DEPTOR: variants seen among roughly 807,000 people sequenced by gnomAD.
DEPTOR encodes DEP domain-containing mTOR-interacting protein.
In DEPTOR, 41 loss-of-function variants were observed where a neutral mutation model predicts 41.6. The observed-to-expected ratio is 0.98, with a 90% CI of 0.77 to 1.28. DEPTOR has a LOEUF of 1.28. Among genes scored for constraint, DEPTOR ranks in the 50% most tolerant of loss-of-function variants. The pLI is 0.00. For synonymous variants in DEPTOR, 195 were observed against 192.3 expected, an observed-to-expected ratio of 1.01 and a Z score of -0.12; for missense variants, 514 against 527.9, an observed-to-expected ratio of 0.97 and a Z score of 0.26.
At chr8:120,038,030 G>A (rs900120910) in intron 8 of DEPTOR, among the ~76,000 whole-genome samples, 1 of 152,102 alleles carries the variant, frequency 6.6e-6, no homozygotes. Flanking sequence ...ACTTTGGGAG[G>A]CCAAGGCGGG....
At chr8:119,898,492 G>A (rs1827548230) in intron 1 of DEPTOR, among the ~76,000 whole-genome samples, 1 of 152,164 alleles carries the variant, frequency 6.6e-6, no homozygotes, top group Non-Finnish European at 1.5e-5. Context: ...GGGAGGCCAA[G>A]AAGGGCAGAT....
chr8:119,947,759 G>A (rs1828301419), intron 3 of DEPTOR, among the ~76,000 whole-genome samples: 1 of 152,152 alleles, frequency 6.6e-6, no homozygotes, highest in African/African-American at 2.4e-5. Flanking sequence ...GATAATCACA[G>A]TACAAAAGGA....
rs148902624 is a variant in DEPTOR, at chr8:119,881,035, A to G, written c.122+7067A>G. On this transcript the variant is annotated intron_variant, in intron 1 of 8. Coordinates refer to ENST00000286234, the MANE Select transcript of DEPTOR (RefSeq NM_022783.4). ...CTTCCCAAAAGCAACTTACTAGGCT[A>G]TGAATTTAGTTAGCTAAGTTGGAGG... 6.0e-4 allele frequency among the ~76,000 whole-genome samples: 91 copies of G among 152,364 alleles called. No individual in the cohort carries two copies. The East Asian group carries it at 0.015, about 26-fold the overall frequency.
At chr8:119,939,521 T>C (rs1173724084) in intron 3 of DEPTOR, among the ~76,000 whole-genome samples, 1 of 152,198 alleles carries the variant, frequency 6.6e-6, no homozygotes, top group Non-Finnish European at 1.5e-5. Context: ...AGAGTCTTAT[T>C]CTGTCACCCA....
At chr8:120,014,188 TC>T (rs1181306560) in intron 8 of DEPTOR, among the ~76,000 whole-genome samples, 1 of 152,232 alleles carries the variant, frequency 6.6e-6, no homozygotes, top group Non-Finnish European at 1.5e-5. Flanking sequence ...AATATGGAAA[TC>T]ATCAAAAGTT....
At chr8:120,048,079 G>A (rs1048103381) in intron 8 of DEPTOR, among the ~76,000 whole-genome samples, 2 of 152,048 alleles carry the variant, frequency 1.3e-5, no homozygotes, top group African/African-American at 2.4e-5. Flanking sequence ...TGAGCGATGC[G>A]GAGACATGGC....
At chr8:120,006,913 C>G in intron 7 of DEPTOR, 38 bp downstream of exon 7, 1 of 1,594,670 alleles carries the variant, frequency 6.3e-7, no homozygotes, top group South Asian at 1.1e-5. Flanking sequence ...CCGTGCTGCC[C>G]ATTTTTCTGC....
At position 120,017,011 on chromosome 8, in the gene DEPTOR, T is replaced by C. The variant is rs553646810; in HGVS notation, c.1101+7878T>C. ...TAGAATATGATTATATGTATTTATA[T>C]GTTACTTGTCCATCTGTTCTCAACG... On this transcript the variant is annotated intron_variant, in intron 8 of 8. Transcript: ENST00000286234. 2.6e-5 allele frequency among the ~76,000 whole-genome samples: 4 copies of C among 152,362 alleles called. No homozygotes were observed. In the South Asian group the frequency reaches 8.3e-4, roughly 32 times the overall value.
intron 1 of DEPTOR, among the ~76,000 whole-genome samples, chr8:119,897,515 A>G (rs966375717): frequency 2.6e-5 from 4 of 152,196 alleles, no homozygotes; most frequent in African/African-American, 9.7e-5. Context: ...CCTGGTTGAC[A>G]GGGTGAGACT....
chr8:120,002,109 A>G (rs1049605160), intron 5 of DEPTOR, among the ~76,000 whole-genome samples: 1 of 152,140 alleles, frequency 6.6e-6, no homozygotes, highest in Admixed American at 6.6e-5. Context: ...TCTGTCCAAA[A>G]AATTTAAAAA....
At chr8:119,895,577 A>G (rs535665005) in intron 1 of DEPTOR, among the ~76,000 whole-genome samples, 1 of 152,294 alleles carries the variant, frequency 6.6e-6, no homozygotes, top group South Asian at 2.1e-4. Context: ...TCTGGAGGAC[A>G]AGTATTTTGA....
intron 7 of DEPTOR, among the ~76,000 whole-genome samples, chr8:120,007,847 CG>C (rs1812468358): frequency 6.6e-6 from 1 of 152,178 alleles, no homozygotes. Flanking sequence ...TGTAAAGTAA[CG>C]GAAGTGCCTG....
At chr8:120,029,165 G>A (rs1367826765) in intron 8 of DEPTOR, among the ~76,000 whole-genome samples, 4 of 151,836 alleles carry the variant, frequency 2.6e-5, no homozygotes, top group Admixed American at 6.6e-5. Context: ...CACCTGGCCC[G>A]TCTAACTGCC....
Position 119,994,464 on chromosome 8 carries a change from T to C in DEPTOR, c.605-7061T>C, listed in dbSNP as rs16893401. On this transcript the variant is annotated intron_variant, in intron 4 of 8. Transcript: ENST00000286234. The stretch of plus-strand genomic sequence containing the variant: ...TTACTTCCCAAACCTTACTGTGTCT[T>C]AATACACTGCTTTATTTTTTGCTTT... 0.013 allele frequency among the ~76,000 whole-genome samples: 1,993 copies of C among 152,340 alleles called. 89 individuals are homozygous for C. In the East Asian group the frequency reaches 0.16, roughly 12 times the overall value.
chr8:119,881,097 T>A (rs893380267), intron 1 of DEPTOR, among the ~76,000 whole-genome samples: 2 of 152,252 alleles, frequency 1.3e-5, no homozygotes, highest in African/African-American at 4.8e-5. Flanking sequence ...CACCTTTGCC[T>A]TTTTTCTATA....
chr8:120,009,400 G>T (rs979888906), intron 8 of DEPTOR, among the ~76,000 whole-genome samples: 9 of 151,976 alleles, frequency 5.9e-5, no homozygotes, highest in Admixed American at 5.9e-4. Flanking sequence ...ATCACTTGAG[G>T]TCAGGAGTTC....
rs573853466 is a variant in DEPTOR at position 119,877,717 on chromosome 8, G to A, written c.122+3749G>A. ...ATTGTAGCTATGCCCTCTTGAGCAA[G>A]TCACTTAACCTCTCTAGTCCTAAGC... On this transcript the variant is annotated intron_variant, in intron 1 of 8. Transcript: ENST00000286234. Among the ~76,000 whole-genome samples the A allele has an allele frequency of 2.0e-5, 3 of 152,346 alleles. No individual in the cohort carries two copies. The South Asian group carries it at 6.2e-4, about 32-fold the overall frequency.
At chr8:119,946,658 T>C (rs1391227852) in intron 3 of DEPTOR, among the ~76,000 whole-genome samples, 2 of 151,998 alleles carry the variant, frequency 1.3e-5, no homozygotes, top group Admixed American at 6.6e-5. Flanking sequence ...CACTTGAACC[T>C]GGGAGGTGGA....
intron 4 of DEPTOR, among the ~76,000 whole-genome samples, chr8:119,982,464 G>C (rs1057269923): frequency 2.0e-5 from 3 of 152,160 alleles, no homozygotes; most frequent in Non-Finnish European, 4.4e-5. Flanking sequence ...ATGCTAGCTG[G>C]GTTGTGTTTA....
Sources: allele counts gnomAD v4.1 joint callset (sites outside exome capture counted in the v4.1 genomes callset), GRCh38; gene constraint gnomAD v4.1.1; transcripts MANE v1.5; gene names NCBI Gene and HGNC (gene_info 2026-07-23, HGNC 2026-07-21).